The following MEIOB variants were observed in gnomAD, a reference collection of about 807,000 sequenced individuals.
MEIOB encodes meiosis-specific with OB domain-containing protein.
In MEIOB, 50 loss-of-function variants were observed where a neutral mutation model predicts 53.1. The ratio of observed to expected loss-of-function variants is 0.94; its 90% CI spans 0.75 to 1.19. The LOEUF (loss-of-function observed/expected upper bound fraction) is 1.19, where lower values mean the gene tolerates loss of function less well. MEIOB is among the 50% of genes most tolerant of loss of function. MEIOB has a pLI of 0.00. For missense variants in MEIOB, 551 were observed against 550.8 expected, an observed-to-expected ratio of 1.00 and a Z score of 0.00; for synonymous variants, 192 against 182.5, an observed-to-expected ratio of 1.05 and a Z score of -0.42.
At chr16:1,840,710 G>A (rs960003829) in intron 11 of MEIOB, among the ~76,000 whole-genome samples, 13 of 151,934 alleles carry the variant, frequency 8.6e-5, no homozygotes, top group African/African-American at 2.9e-4. Context: ...CACCATGCCC[G>A]GCTAATTTTT....
In MEIOB at chr16:1,848,533, TTTTTTTTTTCC is replaced by T. The variant is rs1440149204; in HGVS notation, c.779-3581_779-3571del. Among the ~76,000 whole-genome samples, 3 of 144,390 alleles carry T rather than the reference TTTTTTTTTTCC, an allele frequency of 2.1e-5. No homozygotes were observed. In the South Asian group the frequency reaches 6.9e-4, roughly 33 times the overall value. The allele number at this position is 144,390 out of a possible 152,430, so 94.7% of individuals were successfully genotyped here. On this transcript the variant is annotated intron_variant, in intron 9 of 13. Coordinates refer to ENST00000325962, the MANE Select transcript of MEIOB (RefSeq NM_001163560.3). ...CCTATCATCTTATCCCTTCTCCTTT[TTTTTTTTTTCC>T]TTTTTTTTTTTTTTTGGAGACAGAG...
At chr16:1,865,905 G>T in intron 2 of MEIOB, 70 bp from the exon 3 acceptor site, 2 of 1,066,980 alleles carry the variant, frequency 1.9e-6, no homozygotes, top group South Asian at 3.0e-5. Flanking sequence ...AATTTCATGG[G>T]CTTGTTATAC....
chr16:1,865,902 T>C (rs922563783), intron 2 of MEIOB, 67 bp from the exon 3 acceptor site: 141 of 1,110,674 alleles, frequency 1.3e-4, no homozygotes, highest in Admixed American at 2.6e-5. Flanking sequence ...TTTAATTTCA[T>C]GGGCTTGTTA....
chr16:1,856,545 T>C (rs1293031094), intron 6 of MEIOB, among the ~76,000 whole-genome samples: 1 of 152,086 alleles, frequency 6.6e-6, no homozygotes, highest in African/African-American at 2.4e-5. Context: ...GGTCTCGATC[T>C]CCTGACCTCG....
chr16:1,845,027 C>T (rs1898997139), intron 9 of MEIOB, 64 bp from the exon 10 acceptor site: 3 of 728,316 alleles, frequency 4.1e-6, no homozygotes, highest in Admixed American at 2.6e-5. Flanking sequence ...ACATTTAAAT[C>T]ATCCAAAATC....
intron 10 of MEIOB, chr16:1,843,497 G>A (rs1362395794): frequency 2.0e-5 from 3 of 151,880 alleles, no homozygotes; most frequent in Non-Finnish European, 4.4e-5. Flanking sequence ...TCAGGGGTTT[G>A]AGACCAGCCT....
intron 13 of MEIOB, 86 bp downstream of exon 13, chr16:1,837,698 C>T: frequency 1.4e-6 from 1 of 692,414 alleles, no homozygotes; most frequent in Non-Finnish European, 2.3e-6. Flanking sequence ...ATAATAAATT[C>T]TCGAATTTAT....
chr16:1,862,888 G>C (rs1017170562), intron 3 of MEIOB, among the ~76,000 whole-genome samples: 1 of 151,764 alleles, frequency 6.6e-6, no homozygotes, highest in African/African-American at 2.4e-5. Flanking sequence ...TGGGTGACAA[G>C]AGAAAAACTC....
intron 9 of MEIOB, among the ~76,000 whole-genome samples, chr16:1,848,332 T>C (rs766409730): frequency 9.2e-5 from 14 of 152,144 alleles, no homozygotes; most frequent in South Asian, 2.1e-4. Context: ...CTAAATTCCA[T>C]TGTTACTCTC....
chr16:1,842,186 A>G lies in MEIOB; in HGVS notation c.881-213T>C, dbSNP rs76787389. On this transcript the variant is annotated intron_variant, in intron 10 of 13. Transcript: ENST00000325962. ...ATGAAATTAGTCTTCATTAAAATGA[A>G]GAATTTCTGTTCATCAAAAGACACC... Among the ~76,000 whole-genome samples the G allele has an allele frequency of 2.6e-5, 4 of 152,322 alleles. No homozygotes were observed. The East Asian group carries it at 7.7e-4, about 29-fold the overall frequency.
intron 5 of MEIOB, 127 bp from the exon 6 acceptor site, chr16:1,858,057 T>G (rs1375132205): frequency 4.8e-6 from 3 of 622,038 alleles, no homozygotes; most frequent in Non-Finnish European, 8.1e-6. Context: ...TTTTTACTCT[T>G]AGAAACATTG....
chr16:1,863,195 G>C (rs1005119600), intron 3 of MEIOB, among the ~76,000 whole-genome samples: 1 of 151,960 alleles, frequency 6.6e-6, no homozygotes, highest in Non-Finnish European at 1.5e-5. Flanking sequence ...CTCCAGCCTG[G>C]GAAGAATGAG....
intron 12 of MEIOB, among the ~76,000 whole-genome samples, chr16:1,838,377 A>C (rs1240483041): frequency 6.6e-6 from 1 of 152,208 alleles, no homozygotes; most frequent in Non-Finnish European, 1.5e-5. Context: ...CAGGTATCTC[A>C]GCAAGGAAAA....
At chr16:1,850,448 G>C (rs1474246233) in intron 9 of MEIOB, among the ~76,000 whole-genome samples, 2 of 151,862 alleles carry the variant, frequency 1.3e-5, no homozygotes, top group East Asian at 3.9e-4. Flanking sequence ...GCATGGTAGC[G>C]GGCACCTGGG....
At chr16:1,861,925 T>C in intron 4 of MEIOB, 60 bp downstream of exon 4, 1 of 1,479,934 alleles carries the variant, frequency 6.8e-7, no homozygotes, top group Non-Finnish European at 9.1e-7. Flanking sequence ...ATAGTTACCA[T>C]AAACATACCA....
chr16:1,855,977 A>G (rs1440679145), intron 6 of MEIOB, among the ~76,000 whole-genome samples: 3 of 148,136 alleles, frequency 2.0e-5, no homozygotes, highest in African/African-American at 7.8e-5. Context: ...CTCTATATTA[A>G]GAAATTACTC....
At chr16:1,859,314 G>C (rs899129265) in intron 5 of MEIOB, among the ~76,000 whole-genome samples, 1 of 152,150 alleles carries the variant, frequency 6.6e-6, no homozygotes, top group African/African-American at 2.4e-5. Context: ...GGCCGAGGCG[G>C]GCGGATCACT....
chr16:1,863,287 C>T (rs1307581696), intron 3 of MEIOB, among the ~76,000 whole-genome samples: 2 of 151,828 alleles, frequency 1.3e-5, no homozygotes, highest in Admixed American at 1.3e-4. Flanking sequence ...TGCCTCCCAG[C>T]AGCTGGGACT....
At chr16:1,838,951 C>A (rs981441679) in intron 12 of MEIOB, among the ~76,000 whole-genome samples, 1 of 152,222 alleles carries the variant, frequency 6.6e-6, no homozygotes, top group Non-Finnish European at 1.5e-5. Flanking sequence ...CTTGGCCTCC[C>A]AAAGTGCTGA....
Sources: allele counts gnomAD v4.1 joint callset (sites outside exome capture counted in the v4.1 genomes callset), GRCh38; gene constraint gnomAD v4.1.1; transcripts MANE v1.5; gene names NCBI Gene and HGNC (gene_info 2026-07-23, HGNC 2026-07-21).